The following GLI3 variants were observed in gnomAD, a reference collection of about 807,000 sequenced individuals.
GLI3 encodes the protein GLI family zinc finger 3.
GLI3 carries 20 observed loss-of-function variants against 100.8 expected under a neutral mutation model. That is an observed-to-expected ratio of 0.20 (90% CI 0.14 to 0.29). GLI3 has a LOEUF of 0.29. Among genes scored for constraint, GLI3 ranks in the 10% least tolerant of loss-of-function variants. GLI3 has a pLI of 1.00. For synonymous variants in GLI3, 938 were observed against 860.5 expected (o/e 1.09, Z -1.58); for missense variants, 2,040 against 2,128.5 (o/e 0.96, Z 0.82).
At chr7:42,060,892 T>G (rs1784554464) in intron 4 of GLI3, among the ~76,000 whole-genome samples, 1 of 152,206 alleles carries the variant, frequency 6.6e-6, no homozygotes, top group Non-Finnish European at 1.5e-5. Context: ...CAGAAACTTT[T>G]GAGTCTGAGC....
rs375060676 is a variant in GLI3 at position 42,207,543 on chromosome 7, T to C, written c.124+15587A>G. The stretch of plus-strand genomic sequence containing the variant: ...TATAAGTTGCTGTGTTTCTTGGAGC[T>C]AATTGGGTAAGATGTAGTCAAAGCA... On this transcript the variant is annotated intron_variant, in intron 2 of 14. Transcript: ENST00000395925. Among the ~76,000 whole-genome samples the C allele has an allele frequency of 1.4e-3, 220 of 152,340 alleles. 12 individuals are homozygous for C. In the South Asian group the frequency reaches 0.045, roughly 31 times the overall value.
intron 2 of GLI3, among the ~76,000 whole-genome samples, chr7:42,148,749 A>G (rs905401331): frequency 6.6e-6 from 1 of 152,168 alleles, no homozygotes; most frequent in African/African-American, 2.4e-5. Context: ...TGGCATCACC[A>G]GCTTCTAGAT....
intron 10 of GLI3, among the ~76,000 whole-genome samples, chr7:42,016,344 G>A (rs771345626): frequency 1.9e-4 from 29 of 152,076 alleles, no homozygotes; most frequent in Non-Finnish European, 3.7e-4. Context: ...GGGGCCTATC[G>A]ACATCTTTCT....
At chr7:42,241,208 C>T (rs76506584), upstream of GLI3, among the ~76,000 whole-genome samples, 3,935 of 152,316 alleles carry the variant, frequency 0.026, 169 homozygotes, top group African/African-American at 0.089. Context: ...ACTTTATTCA[C>T]ACTTCATACA....
chr7:41,980,845 A>C (rs775141963), intron 10 of GLI3, among the ~76,000 whole-genome samples: 64 of 152,342 alleles, frequency 4.2e-4, no homozygotes, highest in Admixed American at 9.8e-4. Context: ...GGAGAACATG[A>C]CAGACATGAT....
intron 2 of GLI3, among the ~76,000 whole-genome samples, chr7:42,189,872 C>A (rs1296675725): frequency 6.6e-6 from 1 of 151,964 alleles, no homozygotes; most frequent in Non-Finnish European, 1.5e-5. Context: ...GAAGTATTTT[C>A]AAAATCTATC....
At chr7:42,085,714 T>G (rs1479465950) in intron 3 of GLI3, among the ~76,000 whole-genome samples, 1 of 152,166 alleles carries the variant, frequency 6.6e-6, no homozygotes, top group Non-Finnish European at 1.5e-5. Context: ...ATGTCAATCC[T>G]GCTTTGGAGG....
chr7:42,109,962 T>A (rs530956256), intron 3 of GLI3, among the ~76,000 whole-genome samples: 8 of 152,328 alleles, frequency 5.3e-5, no homozygotes, highest in African/African-American at 1.9e-4. Context: ...ATACTTTTTT[T>A]ATAGAAAACC....
intron 4 of GLI3, among the ~76,000 whole-genome samples, chr7:42,052,247 A>G (rs1784367139): frequency 6.6e-6 from 1 of 152,298 alleles, no homozygotes; most frequent in South Asian, 2.1e-4. Flanking sequence ...AGTTTTGGCA[A>G]TTATGAATAA....
intron 10 of GLI3, among the ~76,000 whole-genome samples, chr7:42,018,071 G>T (rs1165188104): frequency 6.6e-6 from 1 of 152,166 alleles, no homozygotes; most frequent in Non-Finnish European, 1.5e-5. Flanking sequence ...GGGCCTGGGG[G>T]GCTCTGGCCG....
At chr7:42,125,938 T>C (rs1174253771) in intron 3 of GLI3, among the ~76,000 whole-genome samples, 1 of 152,164 alleles carries the variant, frequency 6.6e-6, no homozygotes, top group African/African-American at 2.4e-5. Context: ...AATACAAATA[T>C]AAATACTGAA....
intron 3 of GLI3, among the ~76,000 whole-genome samples, chr7:42,123,341 C>A (rs890189264): frequency 6.6e-6 from 1 of 152,134 alleles, no homozygotes; most frequent in Non-Finnish European, 1.5e-5. Context: ...TGATAGAAAA[C>A]TAATTCACAA....
At position 41,972,445 on chromosome 7, in the gene GLI3, A is replaced by G. The variant is rs1787389972; in HGVS notation, c.1995T>C (p.Pro665=). 6.2e-7 allele frequency: 1 copy of G among 1,612,706 alleles called. No homozygotes were observed. The highest frequency in any genetic ancestry group is 8.5e-7 in the Non-Finnish European group (1 of 1,179,858). Residue 665 remains proline (P), a synonymous_variant, in exon 13 of 15, where the codon CCT becomes CCC. Transcript: ENST00000395925. This position sits in a 1 kb window ranked among gnomAD's most constrained non-coding sequence, Gnocchi z 4.4. The stretch of plus-strand genomic sequence containing the variant: ...CAAGGGCTCCCTGAGTCGGTCGGCC[A>G]GGCGACCTGGACTGTGAATGGCTGC... The part of the protein sequence containing the change: ...DSGSHSQSRS[P]GRPTQGALGE...
At chr7:42,017,820 C>T (rs370761398) in intron 10 of GLI3, among the ~76,000 whole-genome samples, 2 of 152,164 alleles carry the variant, frequency 1.3e-5, no homozygotes, top group Admixed American at 6.5e-5. Context: ...CTCAACCCAG[C>T]GAAACACACA....
chr7:42,165,640 T>C (rs1052787087), intron 2 of GLI3, among the ~76,000 whole-genome samples: 26 of 152,176 alleles, frequency 1.7e-4, no homozygotes, highest in African/African-American at 5.8e-4. Context: ...TTGTTCTGGG[T>C]TTAGGCCTTG....
At chr7:42,118,986 C>G (rs1317185882) in intron 3 of GLI3, among the ~76,000 whole-genome samples, 2 of 152,188 alleles carry the variant, frequency 1.3e-5, no homozygotes, top group African/African-American at 4.8e-5. Context: ...CTCCTTCAAC[C>G]ACTCTCCATA....
Position 42,014,734 on chromosome 7 carries a change from G to T in GLI3, c.1497+8734C>A, listed in dbSNP as rs887599145. 3.9e-5 allele frequency among the ~76,000 whole-genome samples: 6 copies of T among 152,196 alleles called. No individual in the cohort carries two copies. In the East Asian group the frequency reaches 1.2e-3, roughly 29 times the overall value. ...GCCCTGTATGCTCCCCTTACTCAAA[G>T]GGATAGCCCCCAACCCCAGCACCCT... On this transcript the variant is annotated intron_variant, in intron 10 of 14. Coordinates refer to ENST00000395925, the MANE Select transcript of GLI3 (RefSeq NM_000168.6).
At chr7:42,192,629 T>A (rs1221837325) in intron 2 of GLI3, among the ~76,000 whole-genome samples, 1 of 152,168 alleles carries the variant, frequency 6.6e-6, no homozygotes, top group Non-Finnish European at 1.5e-5. Context: ...GGAAAGAGGA[T>A]GATAAATGTG....
intron 10 of GLI3, among the ~76,000 whole-genome samples, chr7:42,010,865 T>C (rs1246106295): frequency 1.3e-5 from 2 of 152,184 alleles, no homozygotes; most frequent in Non-Finnish European, 2.9e-5. Flanking sequence ...GACCTCCTTG[T>C]AGTTGGTTAG....
Sources: gnomAD v4.1 joint callset for allele counts (sites outside exome capture counted in the v4.1 genomes callset) on GRCh38, gnomAD v4.1.1 for gene constraint, Gnocchi (gnomAD v3.1) non-coding constraint, MANE v1.5 for transcripts, NCBI Gene and HGNC (gene_info 2026-07-23, HGNC 2026-07-21) for gene names.